The following DIXDC1 variants were observed in gnomAD, a reference collection of about 807,000 sequenced individuals.
The protein encoded by DIXDC1 is dixin.
A neutral mutation model predicts 103.1 loss-of-function variants in DIXDC1; 64 were observed. The ratio of observed to expected loss-of-function variants is 0.62; its 90% CI spans 0.51 to 0.76. DIXDC1 has a LOEUF of 0.76. Among genes scored for constraint, DIXDC1 ranks in the 30% least tolerant of loss-of-function variants. DIXDC1 has a pLI of 0.00. For missense variants in DIXDC1, 759 were observed against 834.2 expected (o/e 0.91, Z 1.11); for synonymous variants, 266 against 298.5 (o/e 0.89, Z 1.12).
upstream of DIXDC1, chr11:111,937,213 A>C: frequency 1.8e-6 from 2 of 1,110,912 alleles, no homozygotes; most frequent in Non-Finnish European, 2.2e-6. Context: ...TCCCGCAGGA[A>C]AGCGGGGCTG....
In DIXDC1 at chr11:112,019,056, G is replaced by A; in HGVS notation, c.*20G>A. 1 of 1,605,402 alleles carries A rather than the reference G, an allele frequency of 6.2e-7. No homozygotes were observed. The highest frequency in any genetic ancestry group is 8.5e-7 in the Non-Finnish European group (1 of 1,173,048). ...AATTAATGCCAAGTATCAGATTGAG[G>A]GCTTATGGAACCTGGTCACTCCCTG... On this transcript the variant is annotated 3_prime_UTR_variant, in exon 20 of 20. Coordinates refer to ENST00000440460, the MANE Select transcript of DIXDC1 (RefSeq NM_001037954.4).
intron 10 of DIXDC1, among the ~76,000 whole-genome samples, chr11:111,992,033 C>T (rs1261989192): frequency 6.6e-6 from 1 of 152,138 alleles, no homozygotes; most frequent in Admixed American, 6.5e-5. Context: ...AGTGCATTGT[C>T]CAAGGCTGAC....
At chr11:111,993,385 A>G in intron 12 of DIXDC1, 111 bp from the exon 13 acceptor site, 1 of 1,103,494 alleles carries the variant, frequency 9.1e-7, no homozygotes, top group South Asian at 1.4e-5. Flanking sequence ...TGAGGAAAGG[A>G]CTTTTTTTCC....
intron 5 of DIXDC1, among the ~76,000 whole-genome samples, chr11:111,980,098 C>T (rs587750690): frequency 1.5e-4 from 23 of 152,214 alleles, no homozygotes; most frequent in African/African-American, 5.5e-4. Context: ...CAGGTCTTTC[C>T]CCTTTTGACA....
intron 6 of DIXDC1, among the ~76,000 whole-genome samples, chr11:111,981,249 C>A (rs1555173212): frequency 6.6e-6 from 1 of 152,148 alleles, no homozygotes; most frequent in East Asian, 1.9e-4. Flanking sequence ...TGTGAGGGCA[C>A]AGAGAATAGA....
chr11:111,936,528 T>C (rs1592534387), upstream of DIXDC1, among the ~76,000 whole-genome samples: 1 of 151,508 alleles, frequency 6.6e-6, no homozygotes, highest in Admixed American at 6.7e-5. Flanking sequence ...AAGAATGAAA[T>C]AGGAAAATTT....
chr11:111,975,587 C>T (rs1860071037), intron 5 of DIXDC1: 4 of 985,644 alleles, frequency 4.1e-6, no homozygotes, highest in Middle Eastern at 5.2e-4. Context: ...TTATCAGTGG[C>T]AGAAAAAAGA....
intron 1 of DIXDC1, among the ~76,000 whole-genome samples, chr11:111,954,439 A>G (rs1966870898): frequency 6.6e-6 from 1 of 152,260 alleles, no homozygotes; most frequent in South Asian, 2.1e-4. Flanking sequence ...CTAACAGGCC[A>G]TGGACCAGAT....
At chr11:111,940,771 C>T (rs587654223) in intron 1 of DIXDC1, among the ~76,000 whole-genome samples, 131 of 152,284 alleles carry the variant, frequency 8.6e-4, no homozygotes, top group African/African-American at 3.1e-3. Flanking sequence ...AAGGACTGAA[C>T]ATTTACCAAT....
At position 111,937,432 on chromosome 11, in the gene DIXDC1, G is replaced by C. The variant is rs587595489; in HGVS notation, c.-68G>C. On this transcript the variant is annotated 5_prime_UTR_variant, in exon 1 of 20. Coordinates refer to ENST00000440460, the MANE Select transcript of DIXDC1 (RefSeq NM_001037954.4). ...TGAGCCGAGAGCCTTTGTGTGCAGA[G>C]GGAGGAGGAGGAGGCGGCGGCGGCC... The C allele has an allele frequency of 2.6e-5, 40 of 1,544,864 alleles. No homozygotes were observed. Among genetic ancestry groups the C allele is most frequent in the Non-Finnish European group, 3.4e-5 (39 of 1,144,610 alleles).
At chr11:111,965,744 A>AC (rs1859707446) in intron 2 of DIXDC1, among the ~76,000 whole-genome samples, 1 of 152,212 alleles carries the variant, frequency 6.6e-6, no homozygotes, top group Non-Finnish European at 1.5e-5. Flanking sequence ...AGTACTTAGT[A>AC]TGAGTCAAAC....
chr11:111,950,379 ATTTTT>A (rs1167780710), intron 1 of DIXDC1, among the ~76,000 whole-genome samples: 1 of 91,814 alleles, frequency 1.1e-5, no homozygotes, highest in African/African-American at 3.6e-5. Flanking sequence ...TTCTTATTTT[ATTTTT>A]TTTTATTTTT....
In DIXDC1 at chr11:111,992,780, C is replaced by T. The variant is rs75726856; in HGVS notation, c.1219-171C>T. Among the ~76,000 whole-genome samples, 1,044 of 152,330 alleles carry T rather than the reference C, an allele frequency of 6.9e-3. 5 individuals carry two copies. Among genetic ancestry groups the T allele is most frequent in the Middle Eastern group, 0.051 (15 of 294 alleles). On this transcript the variant is annotated intron_variant, in intron 11 of 19. Coordinates refer to ENST00000440460, the MANE Select transcript of DIXDC1 (RefSeq NM_001037954.4). ...ATACAGAGGCAAAATTGTGGTTCTA[C>T]AGTCTAATTACTTCACTAAAAATGT...
In DIXDC1 at chr11:111,999,152, C is replaced by T. The variant is rs1282707872; in HGVS notation, c.1756+3006C>T. Among the ~76,000 whole-genome samples, 4 of 152,330 alleles carry T rather than the reference C, an allele frequency of 2.6e-5. No individual in the cohort carries two copies. The South Asian group carries it at 6.2e-4, about 24-fold the overall frequency. On this transcript the variant is annotated intron_variant, in intron 17 of 19. Transcript: ENST00000440460. ...TGAGAGATGCAAGGCAAATGTTTCTCATTCCCCTCTGGCTGTGCCCTTTCT... is the reference window on the plus strand; with the variant it reads ...TGAGAGATGCAAGGCAAATGTTTCTTATTCCCCTCTGGCTGTGCCCTTTCT...
chr11:111,937,127 CGGGCGG>C (rs1966220529), upstream of DIXDC1: 4 of 519,634 alleles, frequency 7.7e-6, no homozygotes, highest in South Asian at 8.9e-5. Context: ...TGCTGCGGCC[CGGGCGG>C]GGGGGGGGTG....
At position 111,980,800 on chromosome 11, in the gene DIXDC1, G is replaced by A. The variant is rs782444294; in HGVS notation, c.720G>A (p.Glu240=). ...KSESIITQSE[E]KADFVIIPAE... Reference sequence around the variant, plus strand: ...AGTCCATTATAACCCAGTCAGAAGAGAAGGCAGATTTTGTGATTATTCCCG... The same window carrying A: ...AGTCCATTATAACCCAGTCAGAAGAAAAGGCAGATTTTGTGATTATTCCCG... Residue 240 remains glutamate, a synonymous_variant, in exon 6 of 20, where the codon GAG becomes GAA. Transcript: ENST00000440460. 1.2e-6 allele frequency: 2 copies of A among 1,613,978 alleles called. No individual in the cohort carries two copies. The highest frequency in any genetic ancestry group is 3.3e-5 in the Admixed American group (2 of 60,026).
At chr11:111,938,745 C>G (rs1966307284) in intron 1 of DIXDC1, among the ~76,000 whole-genome samples, 1 of 152,216 alleles carries the variant, frequency 6.6e-6, no homozygotes, top group Non-Finnish European at 1.5e-5. Flanking sequence ...TGGTCTGGCC[C>G]CCGTGCCCTA....
At chr11:111,955,555 C>A (rs1555170486) in intron 1 of DIXDC1, among the ~76,000 whole-genome samples, 1 of 151,824 alleles carries the variant, frequency 6.6e-6, no homozygotes, top group African/African-American at 2.4e-5. Flanking sequence ...AAGATCTTGG[C>A]CCGGTGCGGT....
chr11:111,979,082 T>C (rs1334214476), intron 5 of DIXDC1, among the ~76,000 whole-genome samples: 5 of 152,352 alleles, frequency 3.3e-5, no homozygotes, highest in East Asian at 1.9e-4. Flanking sequence ...TCTATAGATA[T>C]GGTTAAGCAA....
Sources: allele counts gnomAD v4.1 joint callset (sites outside exome capture counted in the v4.1 genomes callset), GRCh38; gene constraint gnomAD v4.1.1; transcripts MANE v1.5; gene names NCBI Gene and HGNC (gene_info 2026-07-23, HGNC 2026-07-21).